Variants in ANGPT1 observed in about 807,000 individuals in gnomAD.
The protein encoded by ANGPT1 is angiopoietin-1.
In ANGPT1, 17 loss-of-function variants were observed where a neutral mutation model predicts 62.2. The observed-to-expected ratio is 0.27, with a 90% confidence interval of 0.19 to 0.41. The LOEUF (loss-of-function observed/expected upper bound fraction) is 0.41. Ranked by LOEUF, ANGPT1 falls within the 10% of genes least tolerant of loss-of-function variation. The pLI is 1.00. For synonymous variants in ANGPT1, 199 were observed against 198.9 expected (o/e 1.00, Z 0.00); for missense variants, 478 against 594.9 (o/e 0.80, Z 2.04).
chr8:107,271,768 A>G (rs1813741720), intron 7 of ANGPT1, among the ~76,000 whole-genome samples: 2 of 152,012 alleles, frequency 1.3e-5, no homozygotes, highest in Admixed American at 1.3e-4. Flanking sequence ...TTCAATTAAA[A>G]TGTTTATCTT....
chr8:107,344,466 G>GT (rs1239278738), intron 2 of ANGPT1, among the ~76,000 whole-genome samples: 1 of 152,206 alleles, frequency 6.6e-6, no homozygotes, highest in Non-Finnish European at 1.5e-5. Flanking sequence ...GGCCAGCAGA[G>GT]TTATTCAGAT....
chr8:107,270,354 T>C (rs1370005367), intron 7 of ANGPT1, among the ~76,000 whole-genome samples: 1 of 152,070 alleles, frequency 6.6e-6, no homozygotes, highest in African/African-American at 2.4e-5. Context: ...GCTGAGCAGA[T>C]TTTTATTTTG....
chr8:107,309,250 C>T (rs766637776), intron 4 of ANGPT1, among the ~76,000 whole-genome samples: 3 of 152,130 alleles, frequency 2.0e-5, no homozygotes, highest in Non-Finnish European at 2.9e-5. Flanking sequence ...ACATGTGGAT[C>T]AGGTTATTTG....
intron 2 of ANGPT1, among the ~76,000 whole-genome samples, chr8:107,337,733 C>T (rs72672538): frequency 0.014 from 2,161 of 152,208 alleles, 23 homozygotes; most frequent in Middle Eastern, 0.02. Flanking sequence ...CCATTAGAGC[C>T]GTCCTCCTTT....
At chr8:107,496,471 C>T (rs954168423) in intron 1 of ANGPT1, among the ~76,000 whole-genome samples, 1 of 152,132 alleles carries the variant, frequency 6.6e-6, no homozygotes, top group South Asian at 2.1e-4. Flanking sequence ...TACTTAAACT[C>T]GCCAGGTACT....
chr8:107,447,413 C>A (rs780907004), intron 1 of ANGPT1, among the ~76,000 whole-genome samples: 44 of 152,252 alleles, frequency 2.9e-4, no homozygotes, highest in Non-Finnish European at 4.7e-4. Context: ...CTTAAAAAAG[C>A]AAACAGACTA....
intron 1 of ANGPT1, among the ~76,000 whole-genome samples, chr8:107,439,773 G>A (rs1811424594): frequency 6.6e-6 from 1 of 152,132 alleles, no homozygotes. Flanking sequence ...TCTTCATAGT[G>A]TCCATGAAAA....
intron 4 of ANGPT1, among the ~76,000 whole-genome samples, chr8:107,313,429 G>GTTTTTTTTTTTTTTTTTT (rs71308720): frequency 3.1e-5 from 2 of 64,182 alleles, no homozygotes; most frequent in Non-Finnish European, 5.4e-5. Flanking sequence ...GTTACTAGTT[G>GTTTTTTTTTTTTTTTTTT]TTTTTTTTTT....
chr8:107,361,369 A>C (rs1816157526), intron 1 of ANGPT1, among the ~76,000 whole-genome samples: 1 of 150,952 alleles, frequency 6.6e-6, no homozygotes, highest in South Asian at 2.1e-4. Context: ...TGTTGAAAGC[A>C]AAGTTATGCT....
intron 1 of ANGPT1, among the ~76,000 whole-genome samples, chr8:107,391,851 A>G (rs922949688): frequency 6.6e-6 from 1 of 152,176 alleles, no homozygotes; most frequent in African/African-American, 2.4e-5. Flanking sequence ...AGTGGTGTGA[A>G]TTTGTGTATC....
rs146865155 is a variant in ANGPT1 at position 107,315,733 on chromosome 8, G to T, written c.808+6163C>A. Among the ~76,000 whole-genome samples the T allele has an allele frequency of 7.9e-3, 1,195 of 151,914 alleles. 13 individuals are homozygous for T. Among genetic ancestry groups the T allele is most frequent in the African/African-American group, 0.027 (1,135 of 41,422 alleles). Reference sequence around the variant, plus strand: ...TTCATACAATGCACTCATAACTTTGGTATGTAAATGCTCTCAAATTGTACA... The same window carrying T: ...TTCATACAATGCACTCATAACTTTGTTATGTAAATGCTCTCAAATTGTACA... On this transcript the variant is annotated intron_variant, in intron 4 of 8. Coordinates refer to ENST00000517746, the MANE Select transcript of ANGPT1 (RefSeq NM_001146.5).
chr8:107,303,382 A>C lies in ANGPT1; in HGVS notation c.809-15T>G. ...CTTTAGTAAAACTGCAAAAAAAAAA[A>C]AAAAGATTGCAATATGTGAATATCA... On this transcript the variant is annotated splice_polypyrimidine_tract_variant and intron_variant, in intron 4 of 8. Coordinates refer to ENST00000517746, the MANE Select transcript of ANGPT1 (RefSeq NM_001146.5). The C allele has an allele frequency of 6.3e-7, 1 of 1,585,028 alleles. No homozygotes were observed. Among genetic ancestry groups the C allele is most frequent in the Non-Finnish European group, 8.6e-7 (1 of 1,169,354 alleles).
chr8:107,418,710 A>C (rs1251964693), intron 1 of ANGPT1, among the ~76,000 whole-genome samples: 2 of 152,210 alleles, frequency 1.3e-5, no homozygotes, highest in Non-Finnish European at 2.9e-5. Flanking sequence ...AAGGGTGATA[A>C]AAATCTGGCT....
rs750634420 is a variant in ANGPT1, at chr8:107,257,870, G to GTTTTTTTTTTTTTTTT, written c.1337-5856_1337-5855insAAAAAAAAAAAAAAAA. Among the ~76,000 whole-genome samples the GTTTTTTTTTTTTTTTT allele has an allele frequency of 1.4e-3, 62 of 45,178 alleles. 4 individuals carry two copies. Among genetic ancestry groups the GTTTTTTTTTTTTTTTT allele is most frequent in the Admixed American group, 1.8e-3 (7 of 3,942 alleles). 29.6% of individuals were successfully genotyped at this position (45,178 alleles called of 152,430 possible). A position where few individuals can be genotyped will look rare whatever the true frequency, so the allele number is the denominator to read the frequency against. Reference sequence around the variant, plus strand: ...TATATCCTCTTCAGGCCAAGGACTTGTTTTTGTTTCTTTTTTGTTTGTTTG... The same window carrying GTTTTTTTTTTTTTTTT: ...TATATCCTCTTCAGGCCAAGGACTTGTTTTTTTTTTTTTTTTTTTTTGTTTCTTTTTTGTTTGTTTG... On this transcript the variant is annotated intron_variant, in intron 8 of 8. Coordinates refer to ENST00000517746, the MANE Select transcript of ANGPT1 (RefSeq NM_001146.5).
intron 3 of ANGPT1, among the ~76,000 whole-genome samples, chr8:107,330,879 T>TA (rs563156341): frequency 1.3e-5 from 2 of 151,858 alleles, no homozygotes; most frequent in African/African-American, 2.4e-5. Context: ...TATTATAATT[T>TA]AAAAAAAGGA....
At chr8:107,391,912 T>C in intron 1 of ANGPT1, among the ~76,000 whole-genome samples, 1 of 152,144 alleles carries the variant, frequency 6.6e-6, no homozygotes, top group Non-Finnish European at 1.5e-5. Context: ...ACAGCTACAA[T>C]ATCACTAGGC....
intron 1 of ANGPT1, among the ~76,000 whole-genome samples, chr8:107,466,770 G>A (rs755875824): frequency 1.3e-4 from 19 of 151,920 alleles, no homozygotes; most frequent in African/African-American, 3.9e-4. Context: ...AACCTAGCTC[G>A]GTGTGGTGGC....
At chr8:107,494,653 T>C (rs748676124) in intron 1 of ANGPT1, 1 of 152,184 alleles carries the variant, frequency 6.6e-6, no homozygotes, top group Non-Finnish European at 1.5e-5. Context: ...AGTTCCAGTA[T>C]TTATGGTGAC....
At chr8:107,333,265 C>T (rs929798990) in intron 3 of ANGPT1, among the ~76,000 whole-genome samples, 2 of 151,796 alleles carry the variant, frequency 1.3e-5, no homozygotes, top group Admixed American at 6.6e-5. Context: ...AGAAGATAGA[C>T]AGATAACTAT....
Sources: allele counts gnomAD v4.1 joint callset (sites outside exome capture counted in the v4.1 genomes callset), GRCh38; gene constraint gnomAD v4.1.1; transcripts MANE v1.5; gene names NCBI Gene and HGNC (gene_info 2026-07-23, HGNC 2026-07-21).